PPP3CA: variants seen among roughly 807,000 people sequenced by gnomAD.
PPP3CA encodes protein phosphatase 3 catalytic subunit alpha, also known as CAM-PRP catalytic subunit.
PPP3CA carries 14 observed loss-of-function variants against 66.5 expected under a neutral mutation model. The observed-to-expected ratio is 0.21, with a 90% CI of 0.14 to 0.33. PPP3CA has a LOEUF of 0.33. PPP3CA is among the 10% of genes least tolerant of loss of function. The pLI, the probability that PPP3CA is intolerant of heterozygous loss-of-function variation, is 1.00. For missense variants in PPP3CA, 317 were observed against 639.5 expected (o/e 0.50, Z 5.44); for synonymous variants, 232 against 226.2 (o/e 1.03, Z -0.23).
At chr4:101,050,102 C>T (rs867218039) in intron 10 of PPP3CA, among the ~76,000 whole-genome samples, 6 of 152,062 alleles carry the variant, frequency 3.9e-5, no homozygotes, top group Admixed American at 6.6e-5. Flanking sequence ...AGTAGATGGT[C>T]CCCAAGTCAT....
chr4:101,095,902 G>A (rs1424345738), intron 5 of PPP3CA, among the ~76,000 whole-genome samples: 2 of 151,914 alleles, frequency 1.3e-5, no homozygotes, highest in African/African-American at 2.4e-5. Flanking sequence ...CACTTGCCTC[G>A]GCCTCCCAAA....
At chr4:101,334,262 G>A (rs1161323274) in intron 1 of PPP3CA, among the ~76,000 whole-genome samples, 1 of 151,956 alleles carries the variant, frequency 6.6e-6, no homozygotes, top group Non-Finnish European at 1.5e-5. Context: ...AGCCTCCCAA[G>A]TAGCTGGGAT....
intron 2 of PPP3CA, among the ~76,000 whole-genome samples, chr4:101,164,741 T>C (rs1159164532): frequency 6.6e-6 from 1 of 152,042 alleles, no homozygotes; most frequent in African/African-American, 2.4e-5. Context: ...GAGAGGGCAG[T>C]GAGGATCAGA....
chr4:101,174,101 C>T (rs1255882187), intron 2 of PPP3CA, among the ~76,000 whole-genome samples: 4 of 151,678 alleles, frequency 2.6e-5, no homozygotes, highest in East Asian at 1.9e-4. Context: ...CCCCCCACCC[C>T]GCCAGAAAAA....
chr4:101,300,787 T>C (rs887537405), intron 1 of PPP3CA, among the ~76,000 whole-genome samples: 1 of 152,172 alleles, frequency 6.6e-6, no homozygotes, highest in African/African-American at 2.4e-5. Context: ...AGAACGAGAC[T>C]CTGCCACGTA....
chr4:101,190,181 T>C (rs1578536735), intron 2 of PPP3CA, among the ~76,000 whole-genome samples: 2 of 152,082 alleles, frequency 1.3e-5, no homozygotes, highest in South Asian at 4.1e-4. Context: ...GAAACACCAC[T>C]TCTCTTAAAG....
Position 101,026,020 on chromosome 4 carries a change from C to T in PPP3CA, c.1411G>A (p.Glu471Lys). Residue 471 changes from glutamate (E) to lysine (K), a missense_variant, in exon 14 of 14, where the codon GAG becomes AAG. By Grantham distance (56) the Glu-to-Lys change is moderately conservative. This residue lies in a region of PPP3CA where 201 missense variants were observed against 501.4 expected (regional missense o/e 0.40). Coordinates refer to ENST00000394854, the MANE Select transcript of PPP3CA (RefSeq NM_000944.5). ...FSPQHKITSF[E>K]EAKGLDRINE... is the part of the protein sequence containing the mutation. ...ATTCGGTCTAAGCCCTTGGCTTCCT[C>T]GAAGCTAGTGATCTTATGTTGTGGT... The T allele has an allele frequency of 1.9e-6, 3 of 1,610,524 alleles. No individual in the cohort carries two copies. The highest frequency in any genetic ancestry group is 2.5e-6 in the Non-Finnish European group (3 of 1,178,920).
rs980431633 is a variant in PPP3CA, at chr4:101,109,650, C to T, written c.260-572G>A. Reference sequence around the variant, plus strand: ...AGACACATCATTAGTTTACGTACCACTAAGGCAAAAAAAAAAAAAAAAAAC... The same window carrying T: ...AGACACATCATTAGTTTACGTACCATTAAGGCAAAAAAAAAAAAAAAAAAC... On this transcript the variant is annotated intron_variant, in intron 2 of 13. Transcript: ENST00000394854. Among the ~76,000 whole-genome samples, 9 of 99,728 alleles carry T rather than the reference C, an allele frequency of 9.0e-5. No homozygotes were observed. In the South Asian group the frequency reaches 3.2e-3, roughly 35 times the overall value. The allele number at this position is 99,728 out of a possible 152,430, so 65.4% of individuals were successfully genotyped here. A position where few individuals can be genotyped will look rare whatever the true frequency, so the allele number is the denominator to read the frequency against.
chr4:101,333,652 C>T (rs757285986), intron 1 of PPP3CA, among the ~76,000 whole-genome samples: 4 of 152,104 alleles, frequency 2.6e-5, no homozygotes, highest in Non-Finnish European at 5.9e-5. Context: ...ATAACACTGA[C>T]TAACATGTTA....
chr4:101,106,461 A>AG (rs1730740626), intron 3 of PPP3CA, among the ~76,000 whole-genome samples: 1 of 22,014 alleles, frequency 4.5e-5, no homozygotes, highest in African/African-American at 3.1e-4. Context: ...AAGAGAAAAG[A>AG]AAAGAAAAGA....
chr4:101,070,932 C>T (rs547287341), intron 8 of PPP3CA, among the ~76,000 whole-genome samples: 40 of 152,170 alleles, frequency 2.6e-4, no homozygotes, highest in Non-Finnish European at 5.3e-4. Flanking sequence ...AAGGAAGAAA[C>T]ATTGGCAATT....
intron 6 of PPP3CA, among the ~76,000 whole-genome samples, chr4:101,084,673 T>C (rs1486699622): frequency 3.3e-5 from 5 of 150,578 alleles, no homozygotes; most frequent in Non-Finnish European, 7.4e-5. Flanking sequence ...TAACATACAG[T>C]TATAGAGATA....
chr4:101,140,780 G>A (rs1578487540), intron 2 of PPP3CA, among the ~76,000 whole-genome samples: 2 of 152,088 alleles, frequency 1.3e-5, no homozygotes, highest in South Asian at 4.1e-4. Context: ...CCCAATATGT[G>A]TACACAGTAA....
chr4:101,068,784 A>G (rs966523450), intron 8 of PPP3CA, among the ~76,000 whole-genome samples: 3 of 152,120 alleles, frequency 2.0e-5, no homozygotes, highest in African/African-American at 7.2e-5. Flanking sequence ...TTAAAGGGAA[A>G]TGTACTAATT....
At chr4:101,186,853 C>T (rs1056791528) in intron 2 of PPP3CA, among the ~76,000 whole-genome samples, 5 of 152,088 alleles carry the variant, frequency 3.3e-5, no homozygotes, top group African/African-American at 1.2e-4. Flanking sequence ...AAACCATACA[C>T]TAGAATCAAC....
At position 101,024,098 on chromosome 4, in the gene PPP3CA, G is replaced by A. The variant is rs994601935; in HGVS notation, c.*1767C>T. 1 of 152,220 alleles carries A rather than the reference G, an allele frequency of 6.6e-6. No individual in the cohort carries two copies. The highest frequency in any genetic ancestry group is 1.5e-5 in the Non-Finnish European group (1 of 68,024). 9.4% of individuals were successfully genotyped at this position (152,220 alleles called of 1,614,324 possible). A position where few individuals can be genotyped will look rare whatever the true frequency, so the allele number is the denominator to read the frequency against. On this transcript the variant is annotated 3_prime_UTR_variant, in exon 14 of 14. Transcript: ENST00000394854. ...AACTGGCTCCTTGAGGAAGCCAGAAGATGGCATCTGCTCTTTAAACAGGCT... is the reference window on the plus strand; with the variant it reads ...AACTGGCTCCTTGAGGAAGCCAGAAAATGGCATCTGCTCTTTAAACAGGCT...
At chr4:101,275,705 T>C (rs1480435011) in intron 1 of PPP3CA, among the ~76,000 whole-genome samples, 3 of 152,162 alleles carry the variant, frequency 2.0e-5, no homozygotes, top group South Asian at 2.1e-4. Flanking sequence ...AATTATAAAA[T>C]ACTAAGCAAA....
chr4:101,057,861 A>G (rs1225808106), intron 10 of PPP3CA, among the ~76,000 whole-genome samples: 1 of 152,124 alleles, frequency 6.6e-6, no homozygotes, highest in Non-Finnish European at 1.5e-5. Flanking sequence ...CATGGAACCA[A>G]GGCCTGCACT....
At chr4:101,057,353 A>G (rs1728271236) in intron 10 of PPP3CA, among the ~76,000 whole-genome samples, 1 of 152,200 alleles carries the variant, frequency 6.6e-6, no homozygotes, top group South Asian at 2.1e-4. Context: ...CACTGCACCC[A>G]GCAAGATATA....
Sources: allele counts gnomAD v4.1 joint callset (sites outside exome capture counted in the v4.1 genomes callset), GRCh38; gene constraint gnomAD v4.1.1; regional missense constraint gnomAD v4.1.1; transcripts MANE v1.5; gene names NCBI Gene and HGNC (gene_info 2026-07-23, HGNC 2026-07-21).